The following H2BC4 variants were observed in gnomAD, a reference collection of about 807,000 sequenced individuals.
H2BC4 encodes histone H2B type 1-C/E/F/G/I.
Under a neutral mutation model 6.2 loss-of-function variants are expected in H2BC4, and 10 were observed. The ratio of observed to expected loss-of-function variants is 1.61; its 90% CI spans 0.99 to 2.73. The LOEUF is 2.73. H2BC4 is among the 30% of genes most tolerant of loss of function. The pLI is 0.00. For missense variants in H2BC4, 176 were observed against 168.7 expected (o/e 1.04, Z -0.24); for synonymous variants, 146 against 70.7 (o/e 2.07, Z -5.35).
downstream of H2BC4, among the ~76,000 whole-genome samples, chr6:26,122,275 T>C (rs1341691842): frequency 6.6e-6 from 1 of 152,180 alleles, no homozygotes; most frequent in Non-Finnish European, 1.5e-5. Context: ...TTATGTTAAA[T>C]AACTGTAACC....
At chr6:26,122,667 G>A (rs1345162624), downstream of H2BC4, among the ~76,000 whole-genome samples, 1 of 152,166 alleles carries the variant, frequency 6.6e-6, no homozygotes, top group Admixed American at 6.5e-5. Context: ...TTACCCAGCA[G>A]TTAAGAGTTG....
At chr6:26,121,211 A>G (rs953375335), downstream of H2BC4, among the ~76,000 whole-genome samples, 1 of 152,214 alleles carries the variant, frequency 6.6e-6, no homozygotes, top group Non-Finnish European at 1.5e-5. Flanking sequence ...CACCCCAAAA[A>G]AAGGTTAATA....
At chr6:26,115,981 G>C (rs541420481) in intron 1 of H2BC4, among the ~76,000 whole-genome samples, 2 of 152,026 alleles carry the variant, frequency 1.3e-5, no homozygotes, top group South Asian at 4.2e-4. Flanking sequence ...AAAGTGAAAA[G>C]AAAACTAAGG....
At chr6:26,119,857 C>A (rs11758702), downstream of H2BC4, among the ~76,000 whole-genome samples, 2,550 of 151,588 alleles carry the variant, frequency 0.017, 35 homozygotes, top group Admixed American at 0.031. Context: ...ATTAAAAAAA[C>A]CTAATAAAAG....
chr6:26,123,868 T>TA lies in H2BC4; in HGVS notation c.36_37insT (p.Lys13Ter), dbSNP rs1236294664. On this transcript the variant is annotated frameshift_variant, in exon 1 of 1. Transcript: ENST00000396984. LOFTEE classifies it high-confidence loss of function. The stretch of plus-strand genomic sequence containing the variant: ...TTGGTCACTGCCTTCTTGGAGCCCT[T>TA]CTTCGGGGCGGGAGCAGACTTGGCT... The TA allele has an allele frequency of 4.3e-6, 7 of 1,614,206 alleles. No homozygotes were observed. Among genetic ancestry groups the TA allele is most frequent in the Non-Finnish European group, 5.9e-6 (7 of 1,180,032 alleles).
chr6:26,123,529 T>G lies in H2BC4; in HGVS notation c.376A>C (p.Lys126Gln). The change falls in exon 1 of 1, where the codon AAG (lysine) becomes CAG (glutamine). Residue 126 changes from lysine to glutamine, a missense_variant. Lys to Gln is a moderately conservative substitution (Grantham distance 53). Transcript: ENST00000396984. ...AAGACGCTTACTTGGAATGTTTACTTGGAGCTGGTGTACTTGGTGACGGCC... is the reference window on the plus strand; with the variant it reads ...AAGACGCTTACTTGGAATGTTTACTGGGAGCTGGTGTACTTGGTGACGGCC... ...TKAVTKYTSS[K>Q] 1.2e-6 allele frequency: 2 copies of G among 1,614,234 alleles called. No individual in the cohort carries two copies. Among genetic ancestry groups the G allele is most frequent in the Non-Finnish European group, 1.7e-6 (2 of 1,180,036 alleles).
chr6:26,123,398 C>T (rs539481947), downstream of H2BC4: 65 of 1,479,906 alleles, frequency 4.4e-5, no homozygotes, highest in South Asian at 7.5e-4. Flanking sequence ...TCTCCAGTTC[C>T]TATATTCTAA....
At chr6:26,118,033 G>C (rs1230462809) in intron 1 of H2BC4, among the ~76,000 whole-genome samples, 10 of 152,168 alleles carry the variant, frequency 6.6e-5, no homozygotes, top group Non-Finnish European at 1.5e-5. Context: ...GGTAGGCCAT[G>C]TCTTCACGAT....
At chr6:26,113,750 G>A (rs566621802), downstream of H2BC4, among the ~76,000 whole-genome samples, 2 of 152,270 alleles carry the variant, frequency 1.3e-5, no homozygotes, top group East Asian at 3.9e-4. Context: ...GCAGGGTATA[G>A]CATGGCTGGA....
Position 26,123,499 on chromosome 6 carries a change from G to C in H2BC4, c.*25C>G, listed in dbSNP as rs762459022. The C allele has an allele frequency of 1.2e-6, 2 of 1,614,070 alleles. No homozygotes were observed. Among genetic ancestry groups the C allele is most frequent in the Non-Finnish European group, 1.7e-6 (2 of 1,180,036 alleles). On this transcript the variant is annotated 3_prime_UTR_variant, in exon 1 of 1. Transcript: ENST00000396984. Reference sequence around the variant, plus strand: ...CTCTTAAAAGAGCCTTTGGGGTTAGGTGTTAAGACGCTTACTTGGAATGTT... The same window carrying C: ...CTCTTAAAAGAGCCTTTGGGGTTAGCTGTTAAGACGCTTACTTGGAATGTT...
At chr6:26,114,545 T>A (rs1430291014), downstream of H2BC4, among the ~76,000 whole-genome samples, 1 of 152,132 alleles carries the variant, frequency 6.6e-6, no homozygotes, top group Non-Finnish European at 1.5e-5. Flanking sequence ...TTAAGAACCT[T>A]AGAAAATGTT....
At chr6:26,123,014 G>GA (rs1357974209), downstream of H2BC4, among the ~76,000 whole-genome samples, 3 of 152,158 alleles carry the variant, frequency 2.0e-5, no homozygotes, top group African/African-American at 7.2e-5. Flanking sequence ...AACAGAGGGG[G>GA]AGTCCTTCCT....
At chr6:26,119,267 T>A (rs995278951), downstream of H2BC4, among the ~76,000 whole-genome samples, 7 of 152,310 alleles carry the variant, frequency 4.6e-5, no homozygotes, top group East Asian at 1.3e-3. Context: ...AGCAACAGTA[T>A]CTATTCTAAG....
chr6:26,116,658 C>T (rs1401568821), intron 1 of H2BC4, among the ~76,000 whole-genome samples: 1 of 151,992 alleles, frequency 6.6e-6, no homozygotes, highest in Admixed American at 6.6e-5. Context: ...TGCGATTGCG[C>T]CACTACACTC....
At chr6:26,121,500 G>A (rs1430417378), downstream of H2BC4, among the ~76,000 whole-genome samples, 1 of 152,060 alleles carries the variant, frequency 6.6e-6, no homozygotes, top group Non-Finnish European at 1.5e-5. Flanking sequence ...CTGTCTTGGT[G>A]GAAAATTCAG....
chr6:26,121,642 A>G (rs1056232727), downstream of H2BC4, among the ~76,000 whole-genome samples: 6 of 152,186 alleles, frequency 3.9e-5, no homozygotes, highest in African/African-American at 1.2e-4. Flanking sequence ...AAGGCGGGGA[A>G]AGAATACTGA....
At chr6:26,114,064 G>A (rs1220645490), downstream of H2BC4, among the ~76,000 whole-genome samples, 1 of 151,966 alleles carries the variant, frequency 6.6e-6, no homozygotes, top group Non-Finnish European at 1.5e-5. Flanking sequence ...TTGGGGGGAT[G>A]GGGAGACAAT....
At chr6:26,122,693 A>G (rs540011248), downstream of H2BC4, among the ~76,000 whole-genome samples, 1 of 152,346 alleles carries the variant, frequency 6.6e-6, no homozygotes, top group East Asian at 1.9e-4. Context: ...TCCTAAAGCA[A>G]CTTTCAAACT....
chr6:26,114,390 A>AT (rs567748319), downstream of H2BC4, among the ~76,000 whole-genome samples: 31 of 151,584 alleles, frequency 2.0e-4, no homozygotes, highest in South Asian at 5.8e-3. Context: ...TGTAATTTCA[A>AT]TTTTTTTTTC....
Sources: gnomAD v4.1 joint callset for allele counts (sites outside exome capture counted in the v4.1 genomes callset) on GRCh38, gnomAD v4.1.1 for gene constraint, MANE v1.5 for transcripts, NCBI Gene and HGNC (gene_info 2026-07-23, HGNC 2026-07-21) for gene names.